The following IGFL2 variants were observed in gnomAD, a reference collection of about 807,000 sequenced individuals.
The protein encoded by IGFL2 is IGF like family member 2.
Under a neutral mutation model 13.9 loss-of-function variants are expected in IGFL2, and 7 were observed. That is an observed-to-expected ratio of 0.51 (90% CI 0.29 to 0.95). IGFL2 has a LOEUF of 0.95. IGFL2 is among the 40% of genes least tolerant of loss of function. The probability of loss-of-function intolerance (pLI) is 0.08; values close to 1 mark genes in which losing one functional copy is unlikely to be tolerated. For missense variants in IGFL2, 138 were observed against 147.8 expected, an observed-to-expected ratio of 0.93 and a Z score of 0.34; for synonymous variants, 55 against 55.8, an observed-to-expected ratio of 0.99 and a Z score of 0.07.
chr19:46,202,861 G>T, the IGFL2 span: 1 of 152,266 alleles, frequency 6.6e-6, no homozygotes, highest in African/African-American at 2.4e-5. Context: ...TTGGTGAGAA[G>T]TTCCTTCGGC....
chr19:46,172,152 T>C, the IGFL2 span, among the ~76,000 whole-genome samples: 47 of 152,308 alleles, frequency 3.1e-4, no homozygotes, highest in East Asian at 8.7e-3. Flanking sequence ...TGGATGTAAC[T>C]GAATGGTTAT....
the IGFL2 span, among the ~76,000 whole-genome samples, chr19:46,205,418 A>G: frequency 2.0e-5 from 3 of 152,130 alleles, no homozygotes; most frequent in South Asian, 6.2e-4. Flanking sequence ...CATGGCATCC[A>G]CCAAGTGGAA....
At chr19:46,186,124 C>T in the IGFL2 span, among the ~76,000 whole-genome samples, 3 of 152,180 alleles carry the variant, frequency 2.0e-5, no homozygotes, top group East Asian at 5.8e-4. Context: ...CCAGTGATCA[C>T]AGGAGGCTCG....
chr19:46,100,453 T>C, the IGFL2 span, among the ~76,000 whole-genome samples: 1 of 152,182 alleles, frequency 6.6e-6, no homozygotes, highest in Non-Finnish European at 1.5e-5. Flanking sequence ...ACAGTTTTCA[T>C]GCAAGTGAAT....
the IGFL2 span, chr19:46,137,189 T>C: frequency 6.3e-7 from 1 of 1,593,376 alleles, no homozygotes; most frequent in South Asian, 1.1e-5. Context: ...CATCACAAAC[T>C]TCACAGAGCT....
Position 46,148,298 on chromosome 19 carries a change from G to T in IGFL2, c.19+1G>T, listed in dbSNP as rs529390891. 1.0e-3 allele frequency: 1,620 copies of T among 1,551,366 alleles called. 5 individuals are homozygous for T. Among genetic ancestry groups the T allele is most frequent in the Middle Eastern group, 2.2e-3 (13 of 5,992 alleles). ...AGCTCCATGGTGCCCAGAATCTTCG[G>T]TAAGGTAACCCTTGCCCCAGGTTGA... On this transcript the variant is annotated splice_donor_variant, in intron 1 of 3. Coordinates refer to ENST00000377693, the MANE Select transcript of IGFL2 (RefSeq NM_001135113.2). LOFTEE classifies it high-confidence loss of function.
At chr19:46,169,140 A>G in the IGFL2 span, among the ~76,000 whole-genome samples, 19 of 152,122 alleles carry the variant, frequency 1.2e-4, no homozygotes, top group African/African-American at 4.3e-4. Flanking sequence ...CAGGAGGTCA[A>G]GGCTGCAGTG....
At chr19:46,081,210 A>G in the IGFL2 span, among the ~76,000 whole-genome samples, 1 of 152,218 alleles carries the variant, frequency 6.6e-6, no homozygotes, top group Non-Finnish European at 1.5e-5. Context: ...CCCTGATTGC[A>G]TCTTTAGGAA....
downstream of IGFL2, chr19:46,164,434 A>G (rs1229292750): frequency 6.6e-6 from 1 of 152,306 alleles, no homozygotes; most frequent in African/African-American, 2.4e-5. Flanking sequence ...AACAGCAAAG[A>G]TGGCAGCCCA....
At chr19:46,183,475 T>TCTC in the IGFL2 span, among the ~76,000 whole-genome samples, 1 of 151,344 alleles carries the variant, frequency 6.6e-6, no homozygotes, top group Non-Finnish European at 1.5e-5. Context: ...CCCCTCCCAG[T>TCTC]CTCTCCTGAT....
the IGFL2 span, chr19:46,197,304 C>T: frequency 5.4e-6 from 1 of 186,636 alleles, no homozygotes; most frequent in Admixed American, 5.2e-5. Context: ...CTGTCTCCTC[C>T]ATGAGATTGT....
At chr19:46,099,569 C>A in the IGFL2 span, among the ~76,000 whole-genome samples, 9 of 151,328 alleles carry the variant, frequency 5.9e-5, no homozygotes, top group East Asian at 1.7e-3. Context: ...CACTCTGTCA[C>A]CCAGGCTGGA....
intron 1 of IGFL2, chr19:46,149,163 C>G: frequency 1.9e-6 from 1 of 536,680 alleles, no homozygotes. Flanking sequence ...TCTCTCTCTT[C>G]TCTCTCTCTC....
At chr19:46,114,704 C>T in the IGFL2 span, among the ~76,000 whole-genome samples, 19 of 152,190 alleles carry the variant, frequency 1.2e-4, no homozygotes, top group African/African-American at 4.1e-4. Flanking sequence ...ATGTAAGATA[C>T]GCCTTGGTTC....
the IGFL2 span, among the ~76,000 whole-genome samples, chr19:46,082,976 A>G: frequency 1.3e-5 from 2 of 152,002 alleles, no homozygotes; most frequent in African/African-American, 2.4e-5. Flanking sequence ...TAAACATGAC[A>G]TTTTCTCTTT....
the IGFL2 span, among the ~76,000 whole-genome samples, chr19:46,117,509 T>C: frequency 3.3e-5 from 5 of 152,160 alleles, no homozygotes; most frequent in African/African-American, 4.8e-5. Context: ...AGACAGAATT[T>C]GTGCTGTCAC....
intron 1 of IGFL2, among the ~76,000 whole-genome samples, chr19:46,157,236 G>T (rs1414230533): frequency 1.3e-5 from 2 of 152,094 alleles, no homozygotes; most frequent in Non-Finnish European, 2.9e-5. Context: ...ATCTCATCCA[G>T]AGAATAGAAT....
chr19:46,212,869 A>G, the IGFL2 span: 7 of 152,162 alleles, frequency 4.6e-5, no homozygotes, highest in African/African-American at 1.7e-4. Flanking sequence ...ATGACCATTA[A>G]TGAAACAGAG....
intron 1 of IGFL2, among the ~76,000 whole-genome samples, chr19:46,154,591 C>T (rs1973707320): frequency 6.6e-6 from 1 of 152,008 alleles, no homozygotes; most frequent in African/African-American, 2.4e-5. Flanking sequence ...CTACAGGCAC[C>T]CACCACCACG....
Sources: allele counts gnomAD v4.1 joint callset (sites outside exome capture counted in the v4.1 genomes callset), GRCh38; gene constraint gnomAD v4.1.1; transcripts MANE v1.5; gene names NCBI Gene and HGNC (gene_info 2026-07-23, HGNC 2026-07-21).